The following C7 variants were observed in gnomAD, a reference collection of about 807,000 sequenced individuals.
C7 encodes complement C7.
A neutral mutation model predicts 104.8 loss-of-function variants in C7; 83 were observed. The observed-to-expected ratio is 0.79, with a 90% confidence interval of 0.66 to 0.95. The LOEUF is 0.95. Among genes scored for constraint, C7 ranks in the 40% least tolerant of loss-of-function variants. C7 has a pLI of 0.00. For missense variants in C7, 1,070 were observed against 1,011.2 expected (o/e 1.06, Z -0.79); for synonymous variants, 415 against 360.6 (o/e 1.15, Z -1.71).
intron 9 of C7, among the ~76,000 whole-genome samples, chr5:40,952,326 CATAAA>C (rs1383021850): frequency 6.6e-6 from 1 of 152,074 alleles, no homozygotes; most frequent in Non-Finnish European, 1.5e-5. Context: ...AATGCAAATG[CATAAA>C]ATTTGGCTTA....
At chr5:40,957,153 T>C (rs566762237) in intron 10 of C7, among the ~76,000 whole-genome samples, 1 of 152,322 alleles carries the variant, frequency 6.6e-6, no homozygotes, top group South Asian at 2.1e-4. Context: ...CAGCCTGAAA[T>C]TGGCTATGGT....
chr5:40,949,504 GT>G (rs1476005557), intron 8 of C7, among the ~76,000 whole-genome samples: 1 of 152,092 alleles, frequency 6.6e-6, no homozygotes, highest in Non-Finnish European at 1.5e-5. Flanking sequence ...AATTTTAGGA[GT>G]TAATTCCTGT....
At chr5:40,974,241 A>T (rs1740764591) in intron 15 of C7, among the ~76,000 whole-genome samples, 1 of 151,970 alleles carries the variant, frequency 6.6e-6, no homozygotes, top group Admixed American at 6.6e-5. Flanking sequence ...GTTAGTCTTG[A>T]TGGGAATAAA....
chr5:40,970,181 G>A (rs778069409), intron 14 of C7, among the ~76,000 whole-genome samples: 2 of 152,094 alleles, frequency 1.3e-5, no homozygotes, highest in African/African-American at 2.4e-5. Flanking sequence ...ATATCTCATT[G>A]TGATGAAGTC....
At chr5:40,968,902 G>A (rs1579872601) in intron 14 of C7, among the ~76,000 whole-genome samples, 1 of 151,608 alleles carries the variant, frequency 6.6e-6, no homozygotes, top group East Asian at 1.9e-4. Flanking sequence ...GTGAGCCATC[G>A]TGCCTGGCTA....
At chr5:40,950,897 A>G (rs769490203) in intron 9 of C7, among the ~76,000 whole-genome samples, 8 of 152,122 alleles carry the variant, frequency 5.3e-5, no homozygotes, top group Non-Finnish European at 1.2e-4. Flanking sequence ...GGAGGACTGA[A>G]AGGGTAAACT....
At chr5:40,914,738 C>T (rs1397218925) in intron 1 of C7, among the ~76,000 whole-genome samples, 1 of 152,136 alleles carries the variant, frequency 6.6e-6, no homozygotes, top group Admixed American at 6.6e-5. Flanking sequence ...GTTTGGTAAC[C>T]CTTGGGCCAT....
rs541940404 is a variant in C7 at position 40,946,374 on chromosome 5, G to A, written c.738+1006G>A. On this transcript the variant is annotated intron_variant, in intron 7 of 17. Transcript: ENST00000313164. ...CACATTTCATCACATCTTAAAGTTA[G>A]TAACTTGATTAATAAATCACTTAGG... 5.9e-5 allele frequency among the ~76,000 whole-genome samples: 9 copies of A among 152,234 alleles called. No individual in the cohort carries two copies. In the South Asian group the frequency reaches 1.7e-3, roughly 28 times the overall value.
intron 16 of C7, among the ~76,000 whole-genome samples, chr5:40,977,061 C>T (rs1740834973): frequency 1.3e-5 from 2 of 152,164 alleles, no homozygotes; most frequent in African/African-American, 2.4e-5. Context: ...GTGGAGAAGG[C>T]TGCAGGACTA....
At chr5:40,918,752 T>C (rs932906249) in intron 1 of C7, among the ~76,000 whole-genome samples, 18 of 151,432 alleles carry the variant, frequency 1.2e-4, no homozygotes, top group African/African-American at 4.4e-4. Flanking sequence ...GGTATAACAA[T>C]TGTAAATATA....
Position 40,945,243 on chromosome 5 carries a change from T to C in C7, c.613T>C (p.Trp205Arg), listed in dbSNP as rs1740020696. 1 of 1,552,556 alleles carries C rather than the reference T, an allele frequency of 6.4e-7. No homozygotes were observed. Among genetic ancestry groups the C allele is most frequent in the Non-Finnish European group, 8.7e-7 (1 of 1,144,140 alleles). Residue 205 changes from tryptophan (W) to arginine (R), a missense_variant, in exon 7 of 18, where the codon TGG (tryptophan) becomes CGG (arginine). Physicochemically the swap from Trp to Arg is moderately radical, Grantham distance 101. Coordinates refer to ENST00000313164, the MANE Select transcript of C7 (RefSeq NM_000587.4). ...TAATTATGAATTTTACAATAGTACT[T>C]GGTCTTATGTAAAACATACGTCGAC... ...DFNYEFYNST[W>R]SYVKHTSTEH... is the part of the protein sequence containing the mutation.
intron 1 of C7, among the ~76,000 whole-genome samples, chr5:40,925,436 C>T (rs778078258): frequency 2.6e-5 from 4 of 152,166 alleles, no homozygotes; most frequent in Non-Finnish European, 5.9e-5. Context: ...GCATTTTGGT[C>T]ACAATCATTT....
intron 1 of C7, among the ~76,000 whole-genome samples, chr5:40,923,988 C>T (rs1739498418): frequency 6.6e-6 from 1 of 152,114 alleles, no homozygotes; most frequent in Non-Finnish European, 1.5e-5. Flanking sequence ...ATGGTCTTCT[C>T]ACACTATAAA....
intron 14 of C7, among the ~76,000 whole-genome samples, chr5:40,969,903 T>C (rs1347205540): frequency 2.0e-5 from 3 of 152,174 alleles, no homozygotes; most frequent in Non-Finnish European, 4.4e-5. Context: ...AGTGCTCTGA[T>C]TCTTTCAGAA....
intron 15 of C7, among the ~76,000 whole-genome samples, chr5:40,975,364 TG>T (rs748801418): frequency 0.18 from 22,926 of 130,440 alleles, 2,628 homozygotes; most frequent in African/African-American, 0.31. Flanking sequence ...AAGAGAAGTG[TG>T]CTTTTTTTTT....
intron 1 of C7, among the ~76,000 whole-genome samples, chr5:40,919,430 T>C (rs1345969636): frequency 6.6e-6 from 1 of 152,092 alleles, no homozygotes; most frequent in Non-Finnish European, 1.5e-5. Context: ...TGGCCTCAAG[T>C]ATCTTTTCTG....
Position 40,952,547 on chromosome 5 carries a change from AG to A in C7, c.1093+2535del, listed in dbSNP as rs1355449459. ...TCTAGGGTACATGTGCACAACGTGC[AG>A]GTTTGTTACATATGTATACATGTGC... On this transcript the variant is annotated intron_variant, in intron 9 of 17. Coordinates refer to ENST00000313164, the MANE Select transcript of C7 (RefSeq NM_000587.4). Among the ~76,000 whole-genome samples the A allele has an allele frequency of 1.9e-4, 29 of 151,286 alleles. No homozygotes were observed. The South Asian group carries it at 5.4e-3, about 28-fold the overall frequency.
intron 14 of C7, among the ~76,000 whole-genome samples, chr5:40,969,445 G>C (rs3805223): frequency 0.088 from 13,415 of 152,018 alleles, 836 homozygotes; most frequent in East Asian, 0.19. Flanking sequence ...TTGTCTTTTT[G>C]AATGTTAAAT....
intron 6 of C7, among the ~76,000 whole-genome samples, chr5:40,938,419 T>G (rs1033174645): frequency 6.6e-6 from 1 of 152,234 alleles, no homozygotes; most frequent in South Asian, 2.1e-4. Context: ...GATTTACTCA[T>G]GCTGTTGCAG....
Sources: gnomAD v4.1 joint callset for allele counts (sites outside exome capture counted in the v4.1 genomes callset) on GRCh38, gnomAD v4.1.1 for gene constraint, MANE v1.5 for transcripts, NCBI Gene and HGNC (gene_info 2026-07-23, HGNC 2026-07-21) for gene names.